SRPK2: variants seen among roughly 807,000 people sequenced by gnomAD.
The protein encoded by SRPK2 is SRSF protein kinase 2.
SRPK2 carries 21 observed loss-of-function variants against 90.8 expected under a neutral mutation model. The observed-to-expected ratio is 0.23, with a 90% CI of 0.16 to 0.33. SRPK2 has a LOEUF of 0.33. Among genes scored for constraint, SRPK2 ranks in the 10% least tolerant of loss-of-function variants. SRPK2 has a pLI of 1.00. For synonymous variants in SRPK2, 288 were observed against 311.1 expected, an observed-to-expected ratio of 0.93 and a Z score of 0.78; for missense variants, 620 against 869.0, an observed-to-expected ratio of 0.71 and a Z score of 3.60.
chr7:105,245,107 A>G, intron 2 of SRPK2: 1 of 614,612 alleles, frequency 1.6e-6, no homozygotes, highest in Middle Eastern at 4.4e-4. Context: ...ACCAAGTGGG[A>G]AAGAAATAAA....
chr7:105,310,869 TA>T (rs956946814), intron 2 of SRPK2, among the ~76,000 whole-genome samples: 1 of 152,196 alleles, frequency 6.6e-6, no homozygotes, highest in Non-Finnish European at 1.5e-5. Context: ...AATGGAGCAT[TA>T]AAAAACTAAG....
intron 15 of SRPK2, chr7:105,125,918 T>C (rs1464224559): frequency 1.9e-6 from 2 of 1,047,724 alleles, no homozygotes; most frequent in East Asian, 4.4e-5. Context: ...CACACGACAG[T>C]TTAATCAGTA....
chr7:105,322,056 C>T (rs1282556020), intron 2 of SRPK2, among the ~76,000 whole-genome samples: 3 of 152,082 alleles, frequency 2.0e-5, no homozygotes, highest in Non-Finnish European at 4.4e-5. Context: ...TGTCTACCAA[C>T]AAATGAATGG....
rs533634182 is a variant in SRPK2 at position 105,258,976 on chromosome 7, C to G, written c.72-55191G>C. 5.9e-5 allele frequency among the ~76,000 whole-genome samples: 9 copies of G among 152,234 alleles called. No individual in the cohort carries two copies. The East Asian group carries it at 1.7e-3, about 29-fold the overall frequency. On this transcript the variant is annotated intron_variant, in intron 2 of 15. Coordinates refer to ENST00000393651, the MANE Select transcript of SRPK2 (RefSeq NM_182692.3). ...GAAGCATTCCCTTTGAAAACTGGCA[C>G]AAGACAGGGATGCCCTCTCTCACCA...
At chr7:105,345,384 AG>A (rs1816340015) in intron 2 of SRPK2, among the ~76,000 whole-genome samples, 1 of 152,230 alleles carries the variant, frequency 6.6e-6, no homozygotes, top group South Asian at 2.1e-4. Flanking sequence ...TCTCTCCCGT[AG>A]ATTGAAAAAC....
intron 2 of SRPK2, among the ~76,000 whole-genome samples, chr7:105,220,326 A>C (rs1418336057): frequency 2.0e-5 from 3 of 152,144 alleles, no homozygotes; most frequent in Non-Finnish European, 4.4e-5. Context: ...CAAGAGATCG[A>C]TACCAGCCTG....
chr7:105,328,561 CAAAAAAA>C (rs1192103331), intron 2 of SRPK2, among the ~76,000 whole-genome samples: 1 of 47,196 alleles, frequency 2.1e-5, no homozygotes, highest in Non-Finnish European at 3.6e-5. Context: ...GGCTCTGTCT[CAAAAAAA>C]AAAAAAAAAA....
chr7:105,136,756 T>C (rs1802864701), intron 11 of SRPK2, among the ~76,000 whole-genome samples: 1 of 152,176 alleles, frequency 6.6e-6, no homozygotes, highest in Non-Finnish European at 1.5e-5. Context: ...ATATCCCCTC[T>C]ATATGGAGGA....
intron 6 of SRPK2, among the ~76,000 whole-genome samples, chr7:105,166,413 A>T (rs1001972444): frequency 2.0e-5 from 3 of 152,240 alleles, no homozygotes; most frequent in African/African-American, 7.2e-5. Context: ...GTGAGTTTTA[A>T]GGTTATGTTT....
chr7:105,288,102 A>T (rs1808411052), intron 2 of SRPK2, among the ~76,000 whole-genome samples: 1 of 152,180 alleles, frequency 6.6e-6, no homozygotes, highest in South Asian at 2.1e-4. Context: ...GGAAAAAAAT[A>T]ACAACTAAAT....
chr7:105,345,207 A>G (rs1025913238), intron 2 of SRPK2, among the ~76,000 whole-genome samples: 15 of 150,968 alleles, frequency 9.9e-5, no homozygotes, highest in Admixed American at 3.3e-4. Context: ...GGGGAGGGGA[A>G]GGGAGGAAAG....
intron 2 of SRPK2, among the ~76,000 whole-genome samples, chr7:105,248,631 A>T (rs559752803): frequency 6.6e-6 from 1 of 152,062 alleles, no homozygotes; most frequent in South Asian, 2.1e-4. Flanking sequence ...CAAACAAAAA[A>T]GATTTGAAAC....
At chr7:105,170,485 G>A (rs910948839) in intron 3 of SRPK2, among the ~76,000 whole-genome samples, 1 of 151,782 alleles carries the variant, frequency 6.6e-6, no homozygotes, top group African/African-American at 2.4e-5. Context: ...CTGAGGTCTG[G>A]AGTTCAAGAC....
At chr7:105,229,875 G>C (rs1689441807) in intron 2 of SRPK2, among the ~76,000 whole-genome samples, 2 of 152,208 alleles carry the variant, frequency 1.3e-5, no homozygotes, top group African/African-American at 4.8e-5. Context: ...ATCTAGTCCA[G>C]GAATCAAGGC....
chr7:105,247,553 CACACACACAGA>C (rs936819143), intron 2 of SRPK2, among the ~76,000 whole-genome samples: 1 of 151,592 alleles, frequency 6.6e-6, no homozygotes, highest in Non-Finnish European at 1.5e-5. Flanking sequence ...CACACACACA[CACACACACAGA>C]AGTTATACCT....
intron 2 of SRPK2, among the ~76,000 whole-genome samples, chr7:105,368,747 T>G (rs1231003605): frequency 6.6e-6 from 1 of 152,004 alleles, no homozygotes; most frequent in African/African-American, 2.4e-5. Flanking sequence ...TAGCCAGGCA[T>G]GGTGGCGCAT....
chr7:105,307,552 C>T (rs2131343927), intron 2 of SRPK2, among the ~76,000 whole-genome samples: 1 of 152,294 alleles, frequency 6.6e-6, no homozygotes, highest in African/African-American at 2.4e-5. Flanking sequence ...CATTATTAAA[C>T]TCTCACCTTT....
chr7:105,248,284 G>A (rs565738629), intron 2 of SRPK2, among the ~76,000 whole-genome samples: 6 of 152,218 alleles, frequency 3.9e-5, no homozygotes, highest in Admixed American at 3.3e-4. Context: ...AAATCACACA[G>A]TTCTCTTCAG....
intron 2 of SRPK2, among the ~76,000 whole-genome samples, chr7:105,309,909 A>C (rs1418526306): frequency 1.3e-5 from 2 of 152,184 alleles, no homozygotes; most frequent in African/African-American, 4.8e-5. Context: ...TGAGGGGCTC[A>C]TAAGCCAGTA....
Sources: gnomAD v4.1 joint callset for allele counts (sites outside exome capture counted in the v4.1 genomes callset) on GRCh38, gnomAD v4.1.1 for gene constraint, MANE v1.5 for transcripts, NCBI Gene and HGNC (gene_info 2026-07-23, HGNC 2026-07-21) for gene names.